CPQ: variants seen among roughly 807,000 people sequenced by gnomAD.
CPQ encodes the protein carboxypeptidase Q.
CPQ carries 37 observed loss-of-function variants against 45.7 expected under a neutral mutation model. The observed-to-expected ratio is 0.81, with a 90% confidence interval of 0.62 to 1.07. CPQ has a LOEUF of 1.07. Ranked by LOEUF, CPQ falls within the 50% of genes least tolerant of loss-of-function variation. The pLI is 0.00. For synonymous variants in CPQ, 186 were observed against 205.8 expected (o/e 0.90, Z 0.82); for missense variants, 537 against 572.9 (o/e 0.94, Z 0.64).
intron 1 of CPQ, among the ~76,000 whole-genome samples, chr8:96,718,260 TC>T (rs1352881002): frequency 2.4e-4 from 37 of 152,224 alleles, no homozygotes; most frequent in African/African-American, 8.2e-4. Flanking sequence ...GTTCTTGGTC[TC>T]ACTGACTTCA....
intron 1 of CPQ, among the ~76,000 whole-genome samples, chr8:96,684,972 C>T (rs949367780): frequency 1.3e-5 from 2 of 151,966 alleles, no homozygotes; most frequent in Non-Finnish European, 2.9e-5. Context: ...GGCATGGTGG[C>T]GCTTGCCTGT....
intron 6 of CPQ, among the ~76,000 whole-genome samples, chr8:97,053,136 C>T (rs1158640195): frequency 6.6e-6 from 1 of 152,156 alleles, no homozygotes; most frequent in African/African-American, 2.4e-5. Context: ...TTCACATATA[C>T]AAATATACAC....
rs142859931 is a variant in CPQ, at chr8:96,990,577, G to T, written c.961+24531G>T. ...GTTTTCCTCTAACTTAGCCTCCACTGGTCAAATGTTTTTAGCACCTGCACC... is the reference window on the plus strand; with the variant it reads ...GTTTTCCTCTAACTTAGCCTCCACTTGTCAAATGTTTTTAGCACCTGCACC... On this transcript the variant is annotated intron_variant, in intron 5 of 7. Transcript: ENST00000220763. Among the ~76,000 whole-genome samples the T allele has an allele frequency of 3.6e-4, 55 of 152,268 alleles. No individual in the cohort carries two copies. In the East Asian group the frequency reaches 0.01, roughly 28 times the overall value.
intron 6 of CPQ, among the ~76,000 whole-genome samples, chr8:97,035,053 C>T (rs750178202): frequency 4.6e-5 from 7 of 151,926 alleles, no homozygotes; most frequent in South Asian, 2.1e-4. Flanking sequence ...CCACCACACC[C>T]GGCTAATTTT....
intron 5 of CPQ, among the ~76,000 whole-genome samples, chr8:97,006,333 C>T (rs1199203564): frequency 6.6e-6 from 1 of 151,940 alleles, no homozygotes; most frequent in East Asian, 1.9e-4. Flanking sequence ...CCTGCCATTT[C>T]TTAGATTTAT....
chr8:96,833,569 G>A (rs1811487764), intron 2 of CPQ, among the ~76,000 whole-genome samples: 1 of 152,142 alleles, frequency 6.6e-6, no homozygotes, highest in Admixed American at 6.5e-5. Context: ...AAATTTCAAG[G>A]TAACTCCAGG....
rs192408390 is a variant in CPQ at position 96,955,985 on chromosome 8, C to T, written c.850-9950C>T. 1.7e-3 allele frequency among the ~76,000 whole-genome samples: 254 copies of T among 152,254 alleles called. 1 individual carries two copies. Among genetic ancestry groups the T allele is most frequent in the African/African-American group, 5.8e-3 (240 of 41,562 alleles). On this transcript the variant is annotated intron_variant, in intron 4 of 7. Coordinates refer to ENST00000220763, the MANE Select transcript of CPQ (RefSeq NM_016134.4). ...ATGGGCAAGGACTTCATGTCTAAAA[C>T]ACCAAAAGCAATGGCAACAAAAGCC...
At chr8:97,007,707 C>A (rs539004398) in intron 5 of CPQ, among the ~76,000 whole-genome samples, 135 of 152,248 alleles carry the variant, frequency 8.9e-4, no homozygotes, top group Middle Eastern at 3.4e-3. Flanking sequence ...TGATCTAATT[C>A]TTGAAATAAA....
rs183339721 is a variant in CPQ, at chr8:96,995,684, T to A, written c.961+29638T>A. Among the ~76,000 whole-genome samples, 760 of 151,634 alleles carry A rather than the reference T, an allele frequency of 5.0e-3. 11 individuals are homozygous for A. The highest frequency in any genetic ancestry group is 0.016 in the African/African-American group (660 of 41,362). On this transcript the variant is annotated intron_variant, in intron 5 of 7. Coordinates refer to ENST00000220763, the MANE Select transcript of CPQ (RefSeq NM_016134.4). ...TTTTTTTTTTTAAAAAAAAAACACT[T>A]CTATTTTAAGTTTAGGTGTGCAAGT...
intron 1 of CPQ, among the ~76,000 whole-genome samples, chr8:96,777,993 G>T (rs1359220842): frequency 6.6e-6 from 1 of 151,030 alleles, no homozygotes; most frequent in East Asian, 1.9e-4. Flanking sequence ...CTCCCAAAGT[G>T]CTGGGATTAC....
rs548554061 is a variant in CPQ, at chr8:96,744,700, TG to T, written c.-34-40163del. Among the ~76,000 whole-genome samples the T allele has an allele frequency of 1.1e-4, 16 of 152,362 alleles. No individual in the cohort carries two copies. The South Asian group carries it at 2.9e-3, about 28-fold the overall frequency. On this transcript the variant is annotated intron_variant, in intron 1 of 7. Transcript: ENST00000220763. Reference sequence around the variant, plus strand: ...AAATTTTTGTTTTATTTTAAATTTTTGTATGTTAAGCTTTAGATGGTGTCTC... The same window carrying T: ...AAATTTTTGTTTTATTTTAAATTTTTTATGTTAAGCTTTAGATGGTGTCTC...
chr8:96,772,675 C>A (rs763032843), intron 1 of CPQ, among the ~76,000 whole-genome samples: 4 of 151,986 alleles, frequency 2.6e-5, no homozygotes, highest in Non-Finnish European at 5.9e-5. Flanking sequence ...GTTTGGAAAA[C>A]GAGAGGCAGT....
At chr8:96,755,329 G>A (rs534957276) in intron 1 of CPQ, among the ~76,000 whole-genome samples, 19 of 151,708 alleles carry the variant, frequency 1.3e-4, no homozygotes, top group Admixed American at 7.9e-4. Context: ...TATTCTAAGT[G>A]GATTTGGCTA....
At chr8:96,791,128 C>A (rs1047161918) in intron 2 of CPQ, among the ~76,000 whole-genome samples, 2 of 152,128 alleles carry the variant, frequency 1.3e-5, no homozygotes, top group East Asian at 3.9e-4. Context: ...GATGAGAGAA[C>A]CAGACTCCAA....
At chr8:96,811,144 G>A (rs1054197030) in intron 2 of CPQ, among the ~76,000 whole-genome samples, 1 of 152,074 alleles carries the variant, frequency 6.6e-6, no homozygotes, top group Admixed American at 6.6e-5. Context: ...AACTTCATAA[G>A]AATCAAGAAT....
At chr8:97,142,783 C>T (rs947660057) in intron 7 of CPQ, among the ~76,000 whole-genome samples, 2 of 152,206 alleles carry the variant, frequency 1.3e-5, no homozygotes, top group Admixed American at 6.5e-5. Flanking sequence ...ATTTTCCCAA[C>T]TCTTTGTCAA....
intron 4 of CPQ, among the ~76,000 whole-genome samples, chr8:96,907,369 G>A (rs1259566993): frequency 6.6e-6 from 1 of 152,132 alleles, no homozygotes; most frequent in Non-Finnish European, 1.5e-5. Flanking sequence ...ATAAAGCTCA[G>A]ACCTGGAAAT....
At position 96,834,507 on chromosome 8, in the gene CPQ, A is replaced by G. The variant is rs972731118; in HGVS notation, c.434-466A>G. Among the ~76,000 whole-genome samples, 7 of 152,330 alleles carry G rather than the reference A, an allele frequency of 4.6e-5. 1 individual carries two copies. Among genetic ancestry groups the G allele is most frequent in the Admixed American group, 3.9e-4 (6 of 15,296 alleles). ...TGGCTTCTAAGAGTATTCTTCACACACTGGCATCCTTTGTATGATGTTGTT... is the reference window on the plus strand; with the variant it reads ...TGGCTTCTAAGAGTATTCTTCACACGCTGGCATCCTTTGTATGATGTTGTT... On this transcript the variant is annotated intron_variant, in intron 2 of 7. Coordinates refer to ENST00000220763, the MANE Select transcript of CPQ (RefSeq NM_016134.4).
At chr8:97,102,572 G>A (rs936171557) in intron 7 of CPQ, among the ~76,000 whole-genome samples, 1 of 152,138 alleles carries the variant, frequency 6.6e-6, no homozygotes, top group East Asian at 1.9e-4. Context: ...GGTCCAAAAG[G>A]CCTGAGTTCA....
Sources: gnomAD v4.1 joint callset for allele counts (sites outside exome capture counted in the v4.1 genomes callset) on GRCh38, gnomAD v4.1.1 for gene constraint, MANE v1.5 for transcripts, NCBI Gene and HGNC (gene_info 2026-07-23, HGNC 2026-07-21) for gene names.